DCAF13: variants seen among roughly 807,000 people sequenced by gnomAD.
The protein encoded by DCAF13 is DDB1- and CUL4-associated factor 13.
In DCAF13, 38 loss-of-function variants were observed where a neutral mutation model predicts 59.0. The ratio of observed to expected loss-of-function variants is 0.64; its 90% confidence interval spans 0.50 to 0.84. The LOEUF (loss-of-function observed/expected upper bound fraction) is 0.84. Among genes scored for constraint, DCAF13 ranks in the 40% least tolerant of loss-of-function variants. DCAF13 has a pLI of 0.00. For synonymous variants in DCAF13, 173 were observed against 175.0 expected (o/e 0.99, Z 0.09); for missense variants, 469 against 558.4 (o/e 0.84, Z 1.61).
chr8:103,416,086 A>G (rs1353784197), intron 1 of DCAF13, among the ~76,000 whole-genome samples: 1 of 152,234 alleles, frequency 6.6e-6, no homozygotes, highest in Non-Finnish European at 1.5e-5. Flanking sequence ...TGTGATACCT[A>G]AATGACAAGG....
At chr8:103,435,597 G>A in intron 7 of DCAF13, 29 bp from the exon 8 acceptor site, 1 of 1,484,574 alleles carries the variant, frequency 6.7e-7, no homozygotes, top group Non-Finnish European at 9.0e-7. Context: ...CTAGAAATAT[G>A]TGTCAAATAT....
At chr8:103,426,548 GTAT>G (rs1435947091) in intron 4 of DCAF13, among the ~76,000 whole-genome samples, 1 of 151,992 alleles carries the variant, frequency 6.6e-6, no homozygotes, top group Non-Finnish European at 1.5e-5. Context: ...AAATTTAATA[GTAT>G]TATGCATCAT....
At chr8:103,438,215 A>C (rs894496424) in intron 8 of DCAF13, among the ~76,000 whole-genome samples, 1 of 152,186 alleles carries the variant, frequency 6.6e-6, no homozygotes, top group African/African-American at 2.4e-5. Context: ...AGGTATGTGG[A>C]GATTATAAGA....
intron 8 of DCAF13, 128 bp downstream of exon 8, chr8:103,435,918 A>G (rs1290370877): frequency 2.2e-6 from 2 of 922,566 alleles, no homozygotes; most frequent in Non-Finnish European, 1.7e-6. Flanking sequence ...AAACAAAACT[A>G]GATGGTATAA....
At position 103,420,266 on chromosome 8, in the gene DCAF13, C is replaced by T. The variant is rs1475593650; in HGVS notation, c.73C>T (p.Pro25Ser). Residue 25 changes from proline to serine, a missense_variant and splice_region_variant, in exon 2 of 11, where the codon CCA becomes TCA. Pro to Ser is a moderately conservative substitution (Grantham distance 74). Coordinates refer to ENST00000612750, the MANE Select transcript of DCAF13 (RefSeq NM_015420.7). The part of the protein sequence containing the change: ...RETKLDLQRV[P>S]RNYDPALHPF... ...AAGAAGGATCATTCTTATTTCAGTT[C>T]CAAGAAACTATGATCCTGCTTTACA... is the stretch of plus-strand genomic sequence containing the variant. The T allele has an allele frequency of 3.1e-6, 5 of 1,612,776 alleles. No individual in the cohort carries two copies. Among genetic ancestry groups the T allele is most frequent in the East Asian group, 2.2e-5 (1 of 44,856 alleles).
intron 9 of DCAF13, 54 bp downstream of exon 9, chr8:103,440,325 G>T: frequency 2.4e-6 from 3 of 1,252,854 alleles, no homozygotes; most frequent in South Asian, 1.6e-5. Context: ...AATTTTATTA[G>T]ATATTACATT....
chr8:103,427,080 C>A lies in DCAF13; in HGVS notation c.469-17C>A, dbSNP rs550078607. On this transcript the variant is annotated splice_polypyrimidine_tract_variant and intron_variant, in intron 4 of 10. Transcript: ENST00000612750. ...TTAGTAATGAAAAAAATCCTCTTAA[C>A]CTTTTTGCTTTTAAAGACAGTGTAT... 6.3e-6 allele frequency: 10 copies of A among 1,578,870 alleles called. No homozygotes were observed. The African/African-American group carries it at 9.6e-5, about 15-fold the overall frequency.
chr8:103,442,025 A>C (rs1817019079), intron 10 of DCAF13: 1 of 162,130 alleles, frequency 6.2e-6, no homozygotes, highest in Non-Finnish European at 1.3e-5. Flanking sequence ...CGGCCTCCCA[A>C]AGTGCTGGGA....
chr8:103,437,420 T>G (rs577166294), intron 8 of DCAF13, among the ~76,000 whole-genome samples: 1 of 152,316 alleles, frequency 6.6e-6, no homozygotes, highest in South Asian at 2.1e-4. Context: ...GGCCAGCAGC[T>G]GAGTTCAGGC....
chr8:103,429,731 A>G (rs2130487236), intron 5 of DCAF13: 1 of 152,372 alleles, frequency 6.6e-6, no homozygotes, highest in Non-Finnish European at 1.5e-5. Context: ...AAATTTATAT[A>G]GCTAGGAAAT....
chr8:103,419,925 C>T (rs537466172), intron 1 of DCAF13, among the ~76,000 whole-genome samples: 2 of 151,038 alleles, frequency 1.3e-5, no homozygotes, highest in Admixed American at 1.3e-4. Context: ...AGGAGAATTG[C>T]TTGAACCTGA....
chr8:103,425,740 A>G (rs942551821), intron 3 of DCAF13, among the ~76,000 whole-genome samples: 2 of 152,210 alleles, frequency 1.3e-5, no homozygotes, highest in East Asian at 1.9e-4. Context: ...ACCAGATATT[A>G]TAATACCATT....
intron 6 of DCAF13, among the ~76,000 whole-genome samples, chr8:103,431,044 C>G (rs1816857350): frequency 1.3e-5 from 2 of 152,130 alleles, no homozygotes; most frequent in African/African-American, 4.8e-5. Flanking sequence ...AATTCAAGCC[C>G]CATGATTATC....
chr8:103,436,191 T>A (rs1379069954), intron 8 of DCAF13, among the ~76,000 whole-genome samples: 1 of 152,192 alleles, frequency 6.6e-6, no homozygotes, highest in Non-Finnish European at 1.5e-5. Context: ...TGATTATTAT[T>A]TATCTTTTCT....
In DCAF13 at chr8:103,420,301, G is replaced by A. The variant is rs145936328; in HGVS notation, c.108G>A (p.Glu36=). The change falls in exon 2 of 11, where the codon GAG becomes GAA. Residue 36 remains glutamate (E), a synonymous_variant. Transcript: ENST00000612750. ...ATGATCCTGCTTTACATCCTTTTGA[G>A]GTCCCACGAGAATATATAAGAGCTT... The part of the protein sequence containing the change: ...RNYDPALHPF[E]VPREYIRALN... 1.7e-5 allele frequency: 28 copies of A among 1,613,836 alleles called. No individual in the cohort carries two copies. In the Admixed American group the frequency reaches 3.5e-4, roughly 20 times the overall value.
At chr8:103,418,605 A>G (rs1319085333) in intron 1 of DCAF13, among the ~76,000 whole-genome samples, 1 of 151,544 alleles carries the variant, frequency 6.6e-6, no homozygotes, top group Non-Finnish European at 1.5e-5. Context: ...TTGCAAAGAG[A>G]TGATGAGTAG....
chr8:103,432,062 A>C (rs534120175), intron 6 of DCAF13, among the ~76,000 whole-genome samples: 1 of 152,126 alleles, frequency 6.6e-6, no homozygotes, highest in South Asian at 2.1e-4. Flanking sequence ...CTACTAGTCT[A>C]TCAATGTTTC....
Position 103,443,108 on chromosome 8 carries a change from A to T in DCAF13, c.*226A>T, listed in dbSNP as rs1817031505. 3 of 362,394 alleles carry T rather than the reference A, an allele frequency of 8.3e-6. No individual in the cohort carries two copies. Among genetic ancestry groups the T allele is most frequent in the Non-Finnish European group, 9.9e-6 (2 of 201,884 alleles). The allele number at this position is 362,394 out of a possible 1,614,324, so 22.4% of individuals were successfully genotyped here. A position where few individuals can be genotyped will look rare whatever the true frequency, so the allele number is the denominator to read the frequency against. ...TTCTTCTTTCATTGTAGAATACAGTATTTGCAACTCATTTTTTCTTGTTTT... is the reference window on the plus strand; with the variant it reads ...TTCTTCTTTCATTGTAGAATACAGTTTTTGCAACTCATTTTTTCTTGTTTT... On this transcript the variant is annotated 3_prime_UTR_variant, in exon 11 of 11. Transcript: ENST00000612750.
At chr8:103,440,004 T>C in intron 8 of DCAF13, 132 bp from the exon 9 acceptor site, 2 of 659,158 alleles carry the variant, frequency 3.0e-6, no homozygotes, top group South Asian at 5.0e-5. Context: ...TAAAAATACA[T>C]TGACAAGAAT....
Sources: gnomAD v4.1 joint callset for allele counts (sites outside exome capture counted in the v4.1 genomes callset) on GRCh38, gnomAD v4.1.1 for gene constraint, MANE v1.5 for transcripts, NCBI Gene and HGNC (gene_info 2026-07-23, HGNC 2026-07-21) for gene names.